UGT1A9: variants seen among roughly 807,000 people sequenced by gnomAD.
The protein encoded by UGT1A9 is UDP glucuronosyltransferase family 1 member A9.
A neutral mutation model predicts 45.0 loss-of-function variants in UGT1A9; 35 were observed. That is an observed-to-expected ratio of 0.78 (90% CI 0.59 to 1.03). The LOEUF is 1.03. Among genes scored for constraint, UGT1A9 ranks in the 50% least tolerant of loss-of-function variants. UGT1A9 has a pLI of 0.00. For missense variants in UGT1A9, 687 were observed against 666.6 expected (o/e 1.03, Z -0.34); for synonymous variants, 278 against 250.6 (o/e 1.11, Z -1.03).
At chr2:233,743,757 C>G (rs774172513) in intron 1 of UGT1A9, 2 of 1,367,374 alleles carry the variant, frequency 1.5e-6, no homozygotes, top group South Asian at 1.1e-5. Context: ...GACAACACCT[C>G]GTAGGCCTCG....
intron 1 of UGT1A9, chr2:233,721,746 A>C: frequency 2.3e-6 from 1 of 444,024 alleles, no homozygotes. Context: ...TGATGAGAGA[A>C]TCTACATCTA....
At chr2:233,759,467 C>T (rs1000519909) in intron 1 of UGT1A9, among the ~76,000 whole-genome samples, 1 of 152,186 alleles carries the variant, frequency 6.6e-6, no homozygotes, top group Non-Finnish European at 1.5e-5. Flanking sequence ...CACTCAAGAT[C>T]TATCTTACAG....
Position 233,760,634 on chromosome 2 carries a change from T to TA in UGT1A9, c.856-6394dup, listed in dbSNP as rs748219743. On this transcript the variant is annotated intron_variant, in intron 1 of 4. Coordinates refer to ENST00000354728, the MANE Select transcript of UGT1A9 (RefSeq NM_021027.3). ...CGTGTGATCAAAACATACAAGAAAA[T>TA]AAAAAAGGACTCTGCTATGCTTTTG... 6.2e-6 allele frequency: 10 copies of TA among 1,614,070 alleles called. No homozygotes were observed. In the South Asian group the frequency reaches 8.8e-5, roughly 14 times the overall value.
chr2:233,724,704 C>G (rs867669613), intron 1 of UGT1A9, among the ~76,000 whole-genome samples: 3 of 144,994 alleles, frequency 2.1e-5, no homozygotes, highest in Non-Finnish European at 3.0e-5. Flanking sequence ...AGACGCTCCT[C>G]GCTTTCCAGA....
intron 1 of UGT1A9, among the ~76,000 whole-genome samples, chr2:233,715,442 T>G (rs560027833): frequency 2.6e-5 from 4 of 152,318 alleles, no homozygotes; most frequent in Admixed American, 2.6e-4. Context: ...ATGTGACTCC[T>G]ATGTTATTTT....
intron 1 of UGT1A9, among the ~76,000 whole-genome samples, chr2:233,683,909 C>A (rs2074656150): frequency 6.6e-6 from 1 of 152,114 alleles, no homozygotes; most frequent in East Asian, 1.9e-4. Context: ...TTTGGCGGAG[C>A]ATATAGTTCC....
chr2:233,693,561 C>T lies in UGT1A9; in HGVS notation c.855+20772C>T, dbSNP rs751053554. 6.2e-7 allele frequency: 1 copy of T among 1,614,208 alleles called. No individual in the cohort carries two copies. Among genetic ancestry groups the T allele is most frequent in the Non-Finnish European group, 8.5e-7 (1 of 1,180,020 alleles). ...CTGGAGCATACATTCAGCAGAAGCC[C>T]AGACCCTGTGTCCTACATTCCCAGG... On this transcript the variant is annotated intron_variant, in intron 1 of 4. Transcript: ENST00000354728.
rs1004907287 is a variant in UGT1A9 at position 233,772,662 on chromosome 2, T to C, written c.*103T>C. 14 of 1,540,212 alleles carry C rather than the reference T, an allele frequency of 9.1e-6. No individual in the cohort carries two copies. The highest frequency in any genetic ancestry group is 8.3e-5 in the African/African-American group (6 of 72,644). On this transcript the variant is annotated 3_prime_UTR_variant, in exon 5 of 5. Coordinates refer to ENST00000354728, the MANE Select transcript of UGT1A9 (RefSeq NM_021027.3). ...ATTCATTTTATTCTTATTAAGGAAA[T>C]ACTTTGCATAAATTAATCAGCCCCA...
At position 233,711,685 on chromosome 2, in the gene UGT1A9, T is replaced by C. The variant is rs187300831; in HGVS notation, c.855+38896T>C. 2.5e-3 allele frequency among the ~76,000 whole-genome samples: 380 copies of C among 152,250 alleles called. 1 individual carries two copies. Among genetic ancestry groups the C allele is most frequent in the African/African-American group, 8.7e-3 (363 of 41,544 alleles). Reference sequence around the variant, plus strand: ...ATCTATTATCAATGTGGATTTCTAATGGGGGTAACTTCCTCCCTAAGGGAA... The same window carrying C: ...ATCTATTATCAATGTGGATTTCTAACGGGGGTAACTTCCTCCCTAAGGGAA... On this transcript the variant is annotated intron_variant, in intron 1 of 4. Transcript: ENST00000354728.
At chr2:233,709,589 A>G (rs2076083811) in intron 1 of UGT1A9, among the ~76,000 whole-genome samples, 1 of 152,200 alleles carries the variant, frequency 6.6e-6, no homozygotes, top group Non-Finnish European at 1.5e-5. Flanking sequence ...ATATACCAGG[A>G]TGTGAAAGAA....
intron 1 of UGT1A9, among the ~76,000 whole-genome samples, chr2:233,757,212 T>G (rs1174758514): frequency 1.4e-5 from 2 of 147,276 alleles, no homozygotes; most frequent in Admixed American, 1.4e-4. Context: ...CCCAGGAAGC[T>G]GCTGACCAAG....
intron 1 of UGT1A9, among the ~76,000 whole-genome samples, chr2:233,709,931 C>G (rs1011660132): frequency 3.3e-5 from 5 of 151,878 alleles, no homozygotes; most frequent in African/African-American, 1.2e-4. Flanking sequence ...CTTAGGCAAC[C>G]CTGGATGGTT....
intron 1 of UGT1A9, chr2:233,743,495 A>G (rs1016583348): frequency 7.3e-7 from 1 of 1,367,212 alleles, no homozygotes; most frequent in Non-Finnish European, 9.8e-7. Flanking sequence ...AAGGCAGAGA[A>G]AAGGGGTGCA....
chr2:233,709,911 C>T (rs2076097250), intron 1 of UGT1A9, among the ~76,000 whole-genome samples: 1 of 152,178 alleles, frequency 6.6e-6, no homozygotes, highest in Admixed American at 6.5e-5. Context: ...CACCTAATAC[C>T]TCCCCTCACC....
intron 1 of UGT1A9, among the ~76,000 whole-genome samples, chr2:233,707,043 G>C (rs561019042): frequency 3.9e-5 from 6 of 152,134 alleles, no homozygotes; most frequent in South Asian, 2.1e-4. Context: ...GGTAGAGGAA[G>C]CTGCTCAGGT....
intron 1 of UGT1A9, among the ~76,000 whole-genome samples, chr2:233,730,236 G>A (rs544044923): frequency 9.9e-4 from 150 of 152,270 alleles, no homozygotes; most frequent in African/African-American, 3.5e-3. Context: ...GGATGGACAA[G>A]GACTGGTGTG....
intron 1 of UGT1A9, among the ~76,000 whole-genome samples, chr2:233,728,589 C>T (rs2077730663): frequency 1.3e-5 from 2 of 152,316 alleles, no homozygotes; most frequent in South Asian, 2.1e-4. Context: ...ACGACCAAAA[C>T]CACATAGCCA....
intron 1 of UGT1A9, among the ~76,000 whole-genome samples, chr2:233,710,566 G>C (rs1422927830): frequency 6.6e-6 from 1 of 152,066 alleles, no homozygotes; most frequent in Admixed American, 6.5e-5. Flanking sequence ...CTTTTAAAAG[G>C]TGCCCTTTCA....
chr2:233,772,514 G>C lies in UGT1A9; in HGVS notation c.1548G>C (p.Gly516=). ...CTTATGGCTACCGGAAATGCTTGGGGAAAAAAGGGCGAGTTAAGAAAGCCC... is the reference window on the plus strand; with the variant it reads ...CTTATGGCTACCGGAAATGCTTGGGCAAAAAAGGGCGAGTTAAGAAAGCCC... ...CCAYGYRKCL[G]KKGRVKKAHK... Residue 516 remains glycine, a synonymous_variant, in exon 5 of 5, where the codon GGG becomes GGC. Transcript: ENST00000354728. The C allele has an allele frequency of 6.2e-7, 1 of 1,614,126 alleles. No individual in the cohort carries two copies. Among genetic ancestry groups the C allele is most frequent in the Non-Finnish European group, 8.5e-7 (1 of 1,180,014 alleles).
Sources: allele counts gnomAD v4.1 joint callset (sites outside exome capture counted in the v4.1 genomes callset), GRCh38; gene constraint gnomAD v4.1.1; transcripts MANE v1.5; gene names NCBI Gene and HGNC (gene_info 2026-07-23, HGNC 2026-07-21).